VPS13D: variants seen among roughly 807,000 people sequenced by gnomAD.
The protein encoded by VPS13D is vacuolar protein sorting 13 homolog D.
VPS13D carries 187 observed loss-of-function variants against 461.9 expected under a neutral mutation model. That is an observed-to-expected ratio of 0.40 (90% CI 0.36 to 0.46). VPS13D has a LOEUF of 0.46. Ranked by LOEUF, VPS13D falls within the 20% of genes least tolerant of loss-of-function variation. The pLI, the probability that VPS13D is intolerant of heterozygous loss-of-function variation, is 0.60. For synonymous variants in VPS13D, 1,951 were observed against 1,986.3 expected, an observed-to-expected ratio of 0.98 and a Z score of 0.47; for missense variants, 4,711 against 5,364.9, an observed-to-expected ratio of 0.88 and a Z score of 3.81.
rs1398391041 is a variant in VPS13D at position 12,311,902 on chromosome 1, A to G, written c.6912A>G (p.Lys2304=). ...TGGAGCTTAAAGATCCAAAAAGAAA[A>G]GAAGGTGCTGGGTCCCTAGCCAGGT... ...VSLELKDPKR[K]EGAGSLARFD... is the part of the protein sequence containing the mutation. Residue 2304 remains lysine (K), a synonymous_variant, in exon 29 of 70, where the codon AAA becomes AAG. Transcript: ENST00000620676. The G allele has an allele frequency of 6.2e-7, 1 of 1,614,170 alleles. No homozygotes were observed. The highest frequency in any genetic ancestry group is 1.1e-5 in the South Asian group (1 of 91,090).
intron 60 of VPS13D, among the ~76,000 whole-genome samples, chr1:12,399,702 C>T (rs561396026): frequency 6.6e-6 from 1 of 150,548 alleles, no homozygotes; most frequent in African/African-American, 2.5e-5. Context: ...GCCTGTAATC[C>T]CAGCTACTCA....
At position 12,279,411 on chromosome 1, in the gene VPS13D, G is replaced by A; in HGVS notation, c.4451-88G>A. The A allele has an allele frequency of 7.1e-7, 1 of 1,410,044 alleles. No homozygotes were observed. Among genetic ancestry groups the A allele is most frequent in the Non-Finnish European group, 9.5e-7 (1 of 1,055,542 alleles). 87.3% of individuals were successfully genotyped at this position (1,410,044 alleles called of 1,614,324 possible). Reference sequence around the variant, plus strand: ...CTCCTGGTCTAAGTGTAACTCATGGGCTGTATTTTGTATATTCTACGTTTA... The same window carrying A: ...CTCCTGGTCTAAGTGTAACTCATGGACTGTATTTTGTATATTCTACGTTTA... On this transcript the variant is annotated intron_variant, in intron 19 of 69. Transcript: ENST00000620676. This position sits in a 1 kb window ranked among gnomAD's most constrained non-coding sequence, Gnocchi z 4.3.
chr1:12,363,122 G>C lies in VPS13D; in HGVS notation c.10323G>C (p.Val3441=). The change falls in exon 52 of 70, where the codon GTG becomes GTC. Residue 3441 remains valine (V), a synonymous_variant. Coordinates refer to ENST00000620676, the MANE Select transcript of VPS13D (RefSeq NM_015378.4). ...TTTCCACCCTTCCTGGTTCCAGTGTGGTGTTCCACTGGCCTCGGAATGACT... is the reference window on the plus strand; with the variant it reads ...TTTCCACCCTTCCTGGTTCCAGTGTCGTGTTCCACTGGCCTCGGAATGACT... ...GYISTLPGSS[V]VFHWPRNDYD... 7 of 1,614,182 alleles carry C rather than the reference G, an allele frequency of 4.3e-6. No homozygotes were observed. The highest frequency in any genetic ancestry group is 5.9e-6 in the Non-Finnish European group (7 of 1,180,026).
In VPS13D at chr1:12,282,692, C is replaced by T. The variant is rs1483945008; in HGVS notation, c.4603-13C>T. The T allele has an allele frequency of 3.2e-6, 5 of 1,579,016 alleles. No individual in the cohort carries two copies. Among genetic ancestry groups the T allele is most frequent in the Non-Finnish European group, 4.3e-6 (5 of 1,159,574 alleles). On this transcript the variant is annotated splice_polypyrimidine_tract_variant and intron_variant, in intron 20 of 69. Transcript: ENST00000620676. ...ATAATAAGAGTAACTGAATTTTTCT[C>T]TTTTCAATACAGGTGGTGTTAGCAA... is the stretch of plus-strand genomic sequence containing the variant.
At chr1:12,333,188 T>C (rs780854700) in intron 37 of VPS13D, 38 bp from the exon 38 acceptor site, 6 of 1,599,392 alleles carry the variant, frequency 3.8e-6, no homozygotes, top group Non-Finnish European at 5.1e-6. Flanking sequence ...ACTCTTGATA[T>C]CTGCTGAACA....
intron 5 of VPS13D, among the ~76,000 whole-genome samples, chr1:12,247,807 GA>G (rs1557662323): frequency 1.3e-5 from 2 of 150,028 alleles, no homozygotes; most frequent in East Asian, 3.9e-4. Context: ...GGATTCAAGC[GA>G]TTCTCCTGGC....
At chr1:12,316,142 T>C (rs1642881770) in intron 30 of VPS13D, among the ~76,000 whole-genome samples, 1 of 152,206 alleles carries the variant, frequency 6.6e-6, no homozygotes, top group Non-Finnish European at 1.5e-5. Context: ...GAGTTTACTT[T>C]ATTATTATTG....
intron 65 of VPS13D, among the ~76,000 whole-genome samples, chr1:12,441,391 C>T (rs1194332994): frequency 1.3e-5 from 2 of 152,184 alleles, no homozygotes; most frequent in Non-Finnish European, 2.9e-5. Context: ...GGCCTCCTGT[C>T]ATTAAAGCAT....
intron 22 of VPS13D, among the ~76,000 whole-genome samples, chr1:12,290,502 C>G (rs1192653208): frequency 6.6e-6 from 1 of 152,016 alleles, no homozygotes; most frequent in Non-Finnish European, 1.5e-5. Context: ...GCGGGCGGAT[C>G]ATGAGGTCAG....
intron 58 of VPS13D, 36 bp from the exon 59 acceptor site, chr1:12,385,224 T>G (rs2101653571): frequency 6.5e-7 from 1 of 1,542,978 alleles, no homozygotes; most frequent in Non-Finnish European, 9.0e-7. Context: ...TAAGGAAGAG[T>G]GAATCATCTT....
At chr1:12,413,377 G>A (rs1261128790) in intron 63 of VPS13D, among the ~76,000 whole-genome samples, 2 of 152,024 alleles carry the variant, frequency 1.3e-5, no homozygotes, top group African/African-American at 4.8e-5. Context: ...GGAGGCTGAG[G>A]CAGGAGGATC....
At chr1:12,384,516 GTTTA>G (rs1644325018) in intron 58 of VPS13D, among the ~76,000 whole-genome samples, 1 of 152,064 alleles carries the variant, frequency 6.6e-6, no homozygotes, top group Admixed American at 6.5e-5. Flanking sequence ...GGGGATAAGG[GTTTA>G]TTAGGTCATA....
chr1:12,250,391 A>G (rs940469050), intron 6 of VPS13D, among the ~76,000 whole-genome samples: 1 of 152,208 alleles, frequency 6.6e-6, no homozygotes, highest in Admixed American at 6.5e-5. Context: ...TTTATGAACA[A>G]CAATGACACT....
intron 27 of VPS13D, among the ~76,000 whole-genome samples, chr1:12,309,254 A>G (rs1018957716): frequency 1.5e-5 from 2 of 136,612 alleles, no homozygotes; most frequent in Non-Finnish European, 3.1e-5. Flanking sequence ...CTCTGTCACC[A>G]GGCTGGAGTA....
chr1:12,504,684 C>A (rs987540187), intron 68 of VPS13D, among the ~76,000 whole-genome samples: 37 of 152,350 alleles, frequency 2.4e-4, no homozygotes, highest in Non-Finnish European at 2.2e-4. Context: ...TCGCTGTGCT[C>A]TCTACTTTTC....
Position 12,335,815 on chromosome 1 carries a change from T to A in VPS13D, c.8539T>A (p.Cys2847Ser). The change falls in exon 39 of 70, where the codon TGT becomes AGT. Residue 2847 changes from cysteine (C) to serine (S), a missense_variant. Physicochemically the swap from Cys to Ser is moderately radical, Grantham distance 112 (BLOSUM62 -1). This residue lies in a region of VPS13D where 4,411 missense variants were observed against 4,937.8 expected (regional missense o/e 0.89). Coordinates refer to ENST00000620676, the MANE Select transcript of VPS13D (RefSeq NM_015378.4). ...GATGGGCTCTTCGGTGGATCCTCCA[T>A]GTTTTGGACAAAGTAAGAGTTTTCA... ...DWMGSSVDPP[C>S]FGQSLPLVYL... 1 of 1,614,148 alleles carries A rather than the reference T, an allele frequency of 6.2e-7. No homozygotes were observed. The highest frequency in any genetic ancestry group is 1.1e-5 in the South Asian group (1 of 91,088).
At chr1:12,483,232 T>G (rs958016184) in intron 67 of VPS13D, among the ~76,000 whole-genome samples, 13 of 152,224 alleles carry the variant, frequency 8.5e-5, no homozygotes, top group African/African-American at 3.1e-4. Flanking sequence ...CAGTCAAGAA[T>G]TACATGAAGT....
At chr1:12,253,916 C>T in intron 7 of VPS13D, 90 bp downstream of exon 7, 1 of 981,420 alleles carries the variant, frequency 1.0e-6, no homozygotes, top group Non-Finnish European at 1.6e-6. Flanking sequence ...TCTCTTGCCT[C>T]TCTGATTCCA....
chr1:12,417,175 C>A (rs150145592), intron 65 of VPS13D, among the ~76,000 whole-genome samples: 273 of 152,196 alleles, frequency 1.8e-3, no homozygotes, highest in African/African-American at 6.4e-3. Flanking sequence ...GTGCCATTCT[C>A]CTGCCTGAGA....
Sources: gnomAD v4.1 joint callset for allele counts (sites outside exome capture counted in the v4.1 genomes callset) on GRCh38, gnomAD v4.1.1 for gene constraint, gnomAD v4.1.1 regional missense constraint, Gnocchi (gnomAD v3.1) non-coding constraint, MANE v1.5 for transcripts, NCBI Gene and HGNC (gene_info 2026-07-23, HGNC 2026-07-21) for gene names.